PREX2: variants seen among roughly 807,000 people sequenced by gnomAD.
PREX2 encodes the protein phosphatidylinositol 3,4,5-trisphosphate-dependent Rac exchanger 2 protein.
In PREX2, 107 loss-of-function variants were observed where a neutral mutation model predicts 203.2. The observed-to-expected ratio is 0.53, with a 90% CI of 0.45 to 0.62. PREX2 has a LOEUF of 0.62. Among genes scored for constraint, PREX2 ranks in the 20% least tolerant of loss-of-function variants. The pLI, the probability that PREX2 is intolerant of heterozygous loss-of-function variation, is 0.00. For missense variants in PREX2, 1,777 were observed against 1,955.9 expected, an observed-to-expected ratio of 0.91 and a Z score of 1.72; for synonymous variants, 672 against 663.6, an observed-to-expected ratio of 1.01 and a Z score of -0.19.
chr8:68,192,711 C>T, intron 37 of PREX2, 186 bp downstream of exon 37: 1 of 449,462 alleles, frequency 2.2e-6, no homozygotes, highest in African/African-American at 2.0e-5. Flanking sequence ...TAGTCATACA[C>T]ATGAAGGCAA....
chr8:68,236,004 T>A lies in PREX2; in HGVS notation c.*4626T>A, dbSNP rs1411004515. ...ATATGTGTATGTATATGCCTATATA[T>A]ATTATTATATTTACTAGTGTTTGTG... On this transcript the variant is annotated 3_prime_UTR_variant, in exon 40 of 40. Transcript: ENST00000288368. The A allele has an allele frequency of 6.6e-6, 1 of 152,166 alleles. No homozygotes were observed. The highest frequency in any genetic ancestry group is 2.4e-5 in the African/African-American group (1 of 41,448). 9.4% of individuals were successfully genotyped at this position (152,166 alleles called of 1,614,324 possible).
intron 33 of PREX2, among the ~76,000 whole-genome samples, chr8:68,140,406 C>T (rs1411729746): frequency 6.6e-6 from 1 of 152,194 alleles, no homozygotes; most frequent in Non-Finnish European, 1.5e-5. Context: ...TAAGTTGATG[C>T]AGGAAATAAG....
chr8:68,006,148 G>A (rs1167447405), intron 1 of PREX2, among the ~76,000 whole-genome samples: 1 of 152,208 alleles, frequency 6.6e-6, no homozygotes, highest in East Asian at 1.9e-4. Context: ...GCTCCTGTAT[G>A]TTCAGCCTCC....
At chr8:68,027,172 C>T in intron 4 of PREX2, 50 bp from the exon 5 acceptor site, 2 of 1,348,062 alleles carry the variant, frequency 1.5e-6, no homozygotes, top group Non-Finnish European at 2.1e-6. Flanking sequence ...GAAAGTTTCA[C>T]AGCGTGAGAT....
intron 35 of PREX2, among the ~76,000 whole-genome samples, chr8:68,161,787 G>T (rs982958191): frequency 1.3e-5 from 2 of 151,728 alleles, no homozygotes; most frequent in Non-Finnish European, 2.9e-5. Context: ...TCTTATATCT[G>T]GTAGTTTTAG....
chr8:68,035,747 T>C lies in PREX2; in HGVS notation c.706-2412T>C, dbSNP rs900844090. On this transcript the variant is annotated intron_variant, in intron 6 of 39. Transcript: ENST00000288368. ...TCAAGGAAGATATTTCATGCCATGATGGTAGATTACTGTGGTAGAAGATGG... is the reference window on the plus strand; with the variant it reads ...TCAAGGAAGATATTTCATGCCATGACGGTAGATTACTGTGGTAGAAGATGG... Among the ~76,000 whole-genome samples, 5 of 152,178 alleles carry C rather than the reference T, an allele frequency of 3.3e-5. No homozygotes were observed. The East Asian group carries it at 7.7e-4, about 23-fold the overall frequency.
chr8:68,083,032 T>C (rs895876004), intron 17 of PREX2: 4 of 420,792 alleles, frequency 9.5e-6, no homozygotes, highest in African/African-American at 7.9e-5. Flanking sequence ...TTTGGTAAAG[T>C]TCTGTGTTCA....
At chr8:68,161,710 TTACTC>T (rs773857330) in intron 35 of PREX2, among the ~76,000 whole-genome samples, 24 of 151,974 alleles carry the variant, frequency 1.6e-4, no homozygotes, top group Non-Finnish European at 2.9e-4. Context: ...AAAAAAAAAA[TTACTC>T]TATCTTTTCA....
chr8:68,128,583 C>G (rs1283848123), intron 31 of PREX2, among the ~76,000 whole-genome samples: 1 of 152,080 alleles, frequency 6.6e-6, no homozygotes, highest in African/African-American at 2.4e-5. Context: ...TGGCTGTTAG[C>G]TGAGGTAACA....
At chr8:68,182,178 C>A (rs1812097922) in intron 35 of PREX2, among the ~76,000 whole-genome samples, 1 of 152,066 alleles carries the variant, frequency 6.6e-6, no homozygotes, top group Non-Finnish European at 1.5e-5. Flanking sequence ...AGTATATAAG[C>A]TAAGAGTTAA....
intron 35 of PREX2, among the ~76,000 whole-genome samples, chr8:68,187,030 CT>C (rs35395127): frequency 2.9e-3 from 414 of 144,708 alleles, no homozygotes; most frequent in African/African-American, 4.8e-3. Context: ...TCAATGACAA[CT>C]TTTTTTTTTT....
At chr8:68,047,365 G>T (rs535274433) in intron 8 of PREX2, among the ~76,000 whole-genome samples, 9 of 151,016 alleles carry the variant, frequency 6.0e-5, no homozygotes, top group Middle Eastern at 3.5e-3. Flanking sequence ...CCCTGGATAA[G>T]TTAAATGAGG....
At position 68,011,191 on chromosome 8, in the gene PREX2, G is replaced by A. The variant is rs1239851973; in HGVS notation, c.142-6655G>A. On this transcript the variant is annotated intron_variant, in intron 1 of 39. Transcript: ENST00000288368. Reference sequence around the variant, plus strand: ...AGTAAAACATGCTCCAATTTTCTTAGGTTTATTTTTAAGTATTTTTGTTTT... The same window carrying A: ...AGTAAAACATGCTCCAATTTTCTTAAGTTTATTTTTAAGTATTTTTGTTTT... 3.9e-5 allele frequency among the ~76,000 whole-genome samples: 6 copies of A among 151,996 alleles called. No individual in the cohort carries two copies. The East Asian group carries it at 1.2e-3, about 29-fold the overall frequency.
At chr8:68,117,179 A>G (rs1198193908) in intron 26 of PREX2, among the ~76,000 whole-genome samples, 4 of 152,240 alleles carry the variant, frequency 2.6e-5, no homozygotes, top group African/African-American at 9.6e-5. Context: ...TTTATCAAAC[A>G]CATGGGGGAA....
chr8:68,205,878 ATACT>A (rs1004600163), intron 37 of PREX2, among the ~76,000 whole-genome samples: 1 of 152,206 alleles, frequency 6.6e-6, no homozygotes, highest in African/African-American at 2.4e-5. Context: ...TACAATCAAT[ATACT>A]TACTTAGCAT....
At chr8:68,108,740 C>A (rs1238841149) in intron 24 of PREX2, among the ~76,000 whole-genome samples, 1 of 152,128 alleles carries the variant, frequency 6.6e-6, no homozygotes, top group Non-Finnish European at 1.5e-5. Context: ...ATTACAGCTC[C>A]CCACGGGCTC....
At chr8:68,093,404 AAAAAAAAG>A (rs1456091717) in intron 20 of PREX2, among the ~76,000 whole-genome samples, 193 bp from the exon 21 acceptor site, 1 of 151,784 alleles carries the variant, frequency 6.6e-6, no homozygotes, top group African/African-American at 2.4e-5. Flanking sequence ...AAAAAAAAAA[AAAAAAAAG>A]AAAGAAAGAG....
At chr8:68,173,430 T>C (rs1811917991) in intron 35 of PREX2, among the ~76,000 whole-genome samples, 1 of 152,170 alleles carries the variant, frequency 6.6e-6, no homozygotes, top group South Asian at 2.1e-4. Context: ...TGAAAAATAG[T>C]ATAATTCTAT....
At chr8:68,099,624 G>T in intron 22 of PREX2, 58 bp from the exon 23 acceptor site, 1 of 1,482,960 alleles carries the variant, frequency 6.7e-7, no homozygotes. Context: ...GTTTTTCTAT[G>T]TGTGTGTCTG....
Sources: allele counts gnomAD v4.1 joint callset (sites outside exome capture counted in the v4.1 genomes callset), GRCh38; gene constraint gnomAD v4.1.1; transcripts MANE v1.5; gene names NCBI Gene and HGNC (gene_info 2026-07-23, HGNC 2026-07-21).